The following KCNV2 variants were observed in gnomAD, a reference collection of about 807,000 sequenced individuals.
KCNV2 encodes potassium voltage-gated channel modifier subfamily V member 2, also known as potassium voltage-gated channel subfamily V member 2.
Under a neutral mutation model 37.0 loss-of-function variants are expected in KCNV2, and 65 were observed. The ratio of observed to expected loss-of-function variants is 1.76; its 90% CI spans 1.44 to 2.16. KCNV2 has a LOEUF of 2.16. Ranked by LOEUF, KCNV2 falls within the 30% of genes most tolerant of loss-of-function variation. The pLI, the probability that KCNV2 is intolerant of heterozygous loss-of-function variation, is 0.00. For synonymous variants in KCNV2, 518 were observed against 328.6 expected (o/e 1.58, Z -6.23); for missense variants, 1,232 against 766.7 (o/e 1.61, Z -7.17).
intron 1 of KCNV2, 30 bp downstream of exon 1, chr9:2,719,125 C>T (rs537049308): frequency 1.9e-6 from 3 of 1,602,228 alleles, no homozygotes; most frequent in Non-Finnish European, 2.5e-6. Context: ...GCTTTCCCAT[C>T]CTCTTCCCCA....
chr9:2,726,639 T>C (rs939883861), intron 1 of KCNV2, among the ~76,000 whole-genome samples: 1 of 152,156 alleles, frequency 6.6e-6, no homozygotes, highest in Non-Finnish European at 1.5e-5. Context: ...TTAAGTGACT[T>C]GTTTCCTCCA....
chr9:2,717,641 A>C lies in KCNV2; in HGVS notation c.-99A>C, dbSNP rs1819753133. 1 of 1,491,492 alleles carries C rather than the reference A, an allele frequency of 6.7e-7. No homozygotes were observed. The highest frequency in any genetic ancestry group is 1.4e-5 in the African/African-American group (1 of 72,674). 92.4% of individuals were successfully genotyped at this position (1,491,492 alleles called of 1,614,324 possible). ...TGGTCCGGGCTGGCCTCTCTAAGAC[A>C]GTGCAGGCCACGTGATCCATCCTCC... On this transcript the variant is annotated 5_prime_UTR_variant, in exon 1 of 2. Coordinates refer to ENST00000382082, the MANE Select transcript of KCNV2 (RefSeq NM_133497.4).
At chr9:2,723,967 T>TC (rs1164223855) in intron 1 of KCNV2, among the ~76,000 whole-genome samples, 1 of 150,464 alleles carries the variant, frequency 6.6e-6, no homozygotes, top group African/African-American at 2.5e-5. Flanking sequence ...CTTTTACTTT[T>TC]TTTTTTTTTT....
rs1371412517 is a variant in KCNV2, at chr9:2,718,243, G to A, written c.504G>A (p.Gly168=). ...TGGTCTACAATTTCTACCTGTCCGGGGTGCTGCTGGTGCTCGACGGGCTGT... is the reference window on the plus strand; with the variant it reads ...TGGTCTACAATTTCTACCTGTCCGGAGTGCTGCTGGTGCTCGACGGGCTGT... The part of the protein sequence containing the change: ...FQLVYNFYLS[G]VLLVLDGLCP... The change falls in exon 1 of 2, where the codon GGG becomes GGA. Residue 168 remains glycine, a synonymous_variant. Coordinates refer to ENST00000382082, the MANE Select transcript of KCNV2 (RefSeq NM_133497.4). The A allele has an allele frequency of 6.2e-7, 1 of 1,613,230 alleles. No homozygotes were observed. The highest frequency in any genetic ancestry group is 1.1e-5 in the South Asian group (1 of 91,034).
intron 1 of KCNV2, 147 bp from the exon 2 acceptor site, chr9:2,729,298 TG>T: frequency 1.2e-6 from 1 of 815,308 alleles, no homozygotes; most frequent in Non-Finnish European, 2.1e-6. Context: ...GGAGTCTTCC[TG>T]GTACCTCCTA....
At chr9:2,725,177 A>G (rs1819948579) in intron 1 of KCNV2, among the ~76,000 whole-genome samples, 1 of 152,172 alleles carries the variant, frequency 6.6e-6, no homozygotes, top group Non-Finnish European at 1.5e-5. Context: ...AGATTAATAG[A>G]TCTCAAACTT....
chr9:2,727,448 C>T (rs1819987792), intron 1 of KCNV2, among the ~76,000 whole-genome samples: 1 of 152,204 alleles, frequency 6.6e-6, no homozygotes, highest in Admixed American at 6.5e-5. Flanking sequence ...CACACCCACT[C>T]ATGCAACCAA....
chr9:2,729,653 CAG>C lies in KCNV2; in HGVS notation c.1569_1570del (p.Arg523SerfsTer7), dbSNP rs765332953. 6.2e-7 allele frequency: 1 copy of C among 1,614,068 alleles called. No homozygotes were observed. The highest frequency in any genetic ancestry group is 1.7e-5 in the Admixed American group (1 of 60,008). ...RRERGEVNFMQRARKKIAECL... is the reference protein window; with the variant it reads ...RRERGEVNFMXRARKKIAECL... ...GGAGAGGGGAGAGGTGAACTTCATG[CAG>C]AGAGCCAGAAAGAAGATAGCTGAGT... On this transcript the variant is annotated frameshift_variant, in exon 2 of 2. Coordinates refer to ENST00000382082, the MANE Select transcript of KCNV2 (RefSeq NM_133497.4). LOFTEE classifies it high-confidence loss of function.
intron 1 of KCNV2, 95 bp from the exon 2 acceptor site, chr9:2,729,351 C>A: frequency 7.2e-7 from 1 of 1,391,940 alleles, no homozygotes. Flanking sequence ...CCATGTGTAC[C>A]CACAGGGAGG....
rs886063818 is a variant in KCNV2, at chr9:2,717,579, G to A, written c.-161G>A. On this transcript the variant is annotated 5_prime_UTR_variant, in exon 1 of 2. Coordinates refer to ENST00000382082, the MANE Select transcript of KCNV2 (RefSeq NM_133497.4). ...TGGCCTGCCCAGGACCTGAGAAGGG[G>A]CAGCTCCGGTGGCAATGTCTGAGCC... 60 of 852,868 alleles carry A rather than the reference G, an allele frequency of 7.0e-5. 1 individual carries two copies. The South Asian group carries it at 9.3e-4, about 13-fold the overall frequency. The allele number at this position is 852,868 out of a possible 1,614,324, so 52.8% of individuals were successfully genotyped here.
In KCNV2 at chr9:2,729,844, T is replaced by G. The variant is rs1820039702; in HGVS notation, c.*117T>G. 1.8e-6 allele frequency: 2 copies of G among 1,093,232 alleles called. No homozygotes were observed. Among genetic ancestry groups the G allele is most frequent in the South Asian group, 2.6e-5 (2 of 77,282 alleles). The allele number at this position is 1,093,232 out of a possible 1,614,324, so 67.7% of individuals were successfully genotyped here. A position where few individuals can be genotyped will look rare whatever the true frequency, so the allele number is the denominator to read the frequency against. ...GTGAAGCAGACATACACAAAGGCCA[T>G]TTCGTTCACAAAGTACTGCCTCTAG... On this transcript the variant is annotated 3_prime_UTR_variant, in exon 2 of 2. Transcript: ENST00000382082.
rs377471498 is a variant in KCNV2 at position 2,718,355 on chromosome 9, C to A, written c.616C>A (p.Arg206=). The stretch of plus-strand genomic sequence containing the variant: ...CTGCTGCCGCATCTGCTTCGAGGAG[C>A]GGCGCGACGAGCTGAGCGAACGGCT... ...PRCCRICFEE[R]RDELSERLKI... Residue 206 remains arginine, a synonymous_variant, in exon 1 of 2, where the codon CGG becomes AGG. Transcript: ENST00000382082. 45 of 1,598,944 alleles carry A rather than the reference C, an allele frequency of 2.8e-5. No homozygotes were observed. Among genetic ancestry groups the A allele is most frequent in the African/African-American group, 1.6e-4 (12 of 74,836 alleles).
rs538237334 is a variant in KCNV2, at chr9:2,719,077, C to G, written c.1338C>G (p.His446Gln). ...GCACCAACTTCACTACCATCCCCCA[C>G]TCCTGGTGGTGGGCCGCGGTGAGTA... is the stretch of plus-strand genomic sequence containing the variant. ...VPSTNFTTIP[H>Q]SWWWAAVSIS... The change falls in exon 1 of 2, where the codon CAC (histidine) becomes CAG (glutamine). Residue 446 changes from histidine (H) to glutamine (Q), a missense_variant. By Grantham distance (24) the His-to-Gln change is conservative (BLOSUM62 0). Coordinates refer to ENST00000382082, the MANE Select transcript of KCNV2 (RefSeq NM_133497.4). 3 of 1,611,330 alleles carry G rather than the reference C, an allele frequency of 1.9e-6. No individual in the cohort carries two copies. The highest frequency in any genetic ancestry group is 2.5e-6 in the Non-Finnish European group (3 of 1,180,026).
chr9:2,719,255 A>G (rs563594728), intron 1 of KCNV2, among the ~76,000 whole-genome samples, 160 bp downstream of exon 1: 2 of 152,264 alleles, frequency 1.3e-5, no homozygotes, highest in South Asian at 2.1e-4. Context: ...ATGGATGTCA[A>G]AAGTGGTGGA....
intron 1 of KCNV2, among the ~76,000 whole-genome samples, chr9:2,729,051 T>A (rs917294032): frequency 2.6e-5 from 4 of 152,156 alleles, no homozygotes; most frequent in African/African-American, 9.7e-5. Flanking sequence ...AGGGACCTGC[T>A]TTCCTGAATC....
rs1397652158 is a variant in KCNV2 at position 2,718,160 on chromosome 9, G to A, written c.421G>A (p.Asp141Asn). 2.5e-6 allele frequency: 4 copies of A among 1,612,322 alleles called. No individual in the cohort carries two copies. The highest frequency in any genetic ancestry group is 3.4e-5 in the Admixed American group (2 of 59,688). The stretch of plus-strand genomic sequence containing the variant: ...CAGCCGCCAGCTAAGCCTGTGCGAC[G>A]ACTACGAGGAGCAGACAGACGAATA... ...SRSRQLSLCD[D>N]YEEQTDEYFF... Residue 141 changes from aspartate to asparagine, a missense_variant, in exon 1 of 2, where the codon GAC becomes AAC. Asp to Asn is a conservative substitution (Grantham distance 23, BLOSUM62 1). Transcript: ENST00000382082.
In KCNV2 at chr9:2,717,587, G is replaced by T. The variant is rs1325763423; in HGVS notation, c.-153G>T. 5.4e-6 allele frequency: 5 copies of T among 928,624 alleles called. No homozygotes were observed. Among genetic ancestry groups the T allele is most frequent in the Admixed American group, 4.3e-5 (2 of 47,014 alleles). The allele number at this position is 928,624 out of a possible 1,614,324, so 57.5% of individuals were successfully genotyped here. A position where few individuals can be genotyped will look rare whatever the true frequency, so the allele number is the denominator to read the frequency against. ...CCAGGACCTGAGAAGGGGCAGCTCCGGTGGCAATGTCTGAGCCCCTAGCTG... is the reference window on the plus strand; with the variant it reads ...CCAGGACCTGAGAAGGGGCAGCTCCTGTGGCAATGTCTGAGCCCCTAGCTG... On this transcript the variant is annotated 5_prime_UTR_variant, in exon 1 of 2. Transcript: ENST00000382082.
rs766136806 is a variant in KCNV2 at position 2,719,113 on chromosome 9, G to A, written c.1356+18G>A. The A allele has an allele frequency of 3.7e-6, 6 of 1,604,662 alleles. No individual in the cohort carries two copies. The Admixed American group carries it at 5.0e-5, about 13-fold the overall frequency. ...GGGCCGCGGTGAGTACCTTTGCCCTGGGCTTTCCCATCCTCTTCCCCAGCC... is the reference window on the plus strand; with the variant it reads ...GGGCCGCGGTGAGTACCTTTGCCCTAGGCTTTCCCATCCTCTTCCCCAGCC... On this transcript the variant is annotated intron_variant, in intron 1 of 1. Transcript: ENST00000382082.
chr9:2,729,947 C>T lies in KCNV2; in HGVS notation c.*220C>T, dbSNP rs1188159597. ...GTGAAACATCTGACCTTCTCAATGA[C>T]GTTGATATTGAAAACCTGAGGGGAG... On this transcript the variant is annotated 3_prime_UTR_variant, in exon 2 of 2. Coordinates refer to ENST00000382082, the MANE Select transcript of KCNV2 (RefSeq NM_133497.4). 10 of 551,920 alleles carry T rather than the reference C, an allele frequency of 1.8e-5. No individual in the cohort carries two copies. The highest frequency in any genetic ancestry group is 1.7e-4 in the South Asian group (7 of 40,438). 34.2% of individuals were successfully genotyped at this position (551,920 alleles called of 1,614,324 possible). A position where few individuals can be genotyped will look rare whatever the true frequency, so the allele number is the denominator to read the frequency against.
Sources: allele counts gnomAD v4.1 joint callset (sites outside exome capture counted in the v4.1 genomes callset), GRCh38; gene constraint gnomAD v4.1.1; transcripts MANE v1.5; gene names NCBI Gene and HGNC (gene_info 2026-07-23, HGNC 2026-07-21).